The following PRKCB variants were observed in gnomAD, a reference collection of about 807,000 sequenced individuals.
PRKCB encodes protein kinase C beta.
Under a neutral mutation model 81.5 loss-of-function variants are expected in PRKCB, and 13 were observed. The ratio of observed to expected loss-of-function variants is 0.16; its 90% CI spans 0.10 to 0.25. PRKCB has a LOEUF of 0.25. Among genes scored for constraint, PRKCB ranks in the 10% least tolerant of loss-of-function variants. The pLI, the probability that PRKCB is intolerant of heterozygous loss-of-function variation, is 1.00. For missense variants in PRKCB, 509 were observed against 875.7 expected (o/e 0.58, Z 5.29); for synonymous variants, 335 against 321.4 (o/e 1.04, Z -0.45).
rs777132623 is a variant in PRKCB at position 24,110,509 on chromosome 16, C to CTTTTTTT, written c.822-2464_822-2463insTTTTTTT. Among the ~76,000 whole-genome samples the CTTTTTTT allele has an allele frequency of 9.7e-4, 122 of 125,292 alleles. 1 individual carries two copies. The highest frequency in any genetic ancestry group is 1.2e-3 in the African/African-American group (29 of 23,424). The allele number at this position is 125,292 out of a possible 152,430, so 82.2% of individuals were successfully genotyped here. On this transcript the variant is annotated intron_variant, in intron 7 of 16. Coordinates refer to ENST00000643927, the MANE Select transcript of PRKCB (RefSeq NM_002738.7). The stretch of plus-strand genomic sequence containing the variant: ...TACAGGCATAAGCCACCATGCCCAA[C>CTTTTTTT]CTTTTTTTTTTTTTTTTTTTTTTGA...
chr16:24,042,997 A>C (rs1484292238), intron 5 of PRKCB, among the ~76,000 whole-genome samples: 1 of 152,132 alleles, frequency 6.6e-6, no homozygotes, highest in African/African-American at 2.4e-5. Context: ...TTGGCCTCCC[A>C]AAGCGCTGGG....
chr16:24,032,184 A>C lies in PRKCB; in HGVS notation c.337A>C (p.Thr113Pro). The change falls in exon 4 of 17, where the codon ACG (threonine) becomes CCG (proline). Residue 113 changes from threonine (T) to proline (P), a missense_variant. By Grantham distance (38) the Thr-to-Pro change is conservative. This residue lies in a region of PRKCB where 184 missense variants were observed against 362.9 expected (regional missense o/e 0.51). Transcript: ENST00000643927. Reference sequence around the variant, plus strand: ...TAAGATCCACACGTACTCCAGCCCCACGTTTTGTGACCACTGTGGGTCACT... The same window carrying C: ...TAAGATCCACACGTACTCCAGCCCCCCGTTTTGTGACCACTGTGGGTCACT... The part of the protein sequence containing the change: ...KFKIHTYSSP[T>P]FCDHCGSLLY... The C allele has an allele frequency of 6.2e-7, 1 of 1,613,808 alleles. No homozygotes were observed. The highest frequency in any genetic ancestry group is 8.5e-7 in the Non-Finnish European group (1 of 1,179,870).
At chr16:24,128,184 G>A (rs985600368) in intron 9 of PRKCB, among the ~76,000 whole-genome samples, 1 of 152,016 alleles carries the variant, frequency 6.6e-6, no homozygotes, top group African/African-American at 2.4e-5. Flanking sequence ...AGGCCAGCCT[G>A]GCCAATATGG....
intron 2 of PRKCB, among the ~76,000 whole-genome samples, chr16:23,908,667 A>G (rs889766169): frequency 6.7e-6 from 1 of 150,046 alleles, no homozygotes; most frequent in African/African-American, 2.5e-5. Flanking sequence ...CTGGGACTAC[A>G]GGTGCCCACC....
chr16:24,156,025 G>A (rs1180559089), intron 10 of PRKCB, among the ~76,000 whole-genome samples: 1 of 152,134 alleles, frequency 6.6e-6, no homozygotes. Flanking sequence ...AGTTGGCAGC[G>A]ACTGATGGTT....
intron 2 of PRKCB, among the ~76,000 whole-genome samples, chr16:23,906,187 C>A (rs1016630985): frequency 6.6e-6 from 1 of 152,170 alleles, no homozygotes; most frequent in African/African-American, 2.4e-5. Context: ...TTCCCCATCT[C>A]CTTACCAACA....
intron 5 of PRKCB, among the ~76,000 whole-genome samples, chr16:24,077,242 C>T (rs1357552299): frequency 6.6e-6 from 1 of 151,866 alleles, no homozygotes; most frequent in Admixed American, 6.6e-5. Flanking sequence ...TGGGATGGGG[C>T]AGATTCAGTA....
chr16:23,988,166 A>T (rs1431903008), intron 2 of PRKCB, among the ~76,000 whole-genome samples: 1 of 152,224 alleles, frequency 6.6e-6, no homozygotes, highest in Non-Finnish European at 1.5e-5. Flanking sequence ...CAACTACTTC[A>T]TCTGGCACCT....
intron 9 of PRKCB, among the ~76,000 whole-genome samples, chr16:24,152,259 C>A (rs1204794016): frequency 1.3e-5 from 2 of 152,086 alleles, no homozygotes; most frequent in Non-Finnish European, 2.9e-5. Flanking sequence ...AAAGGGGAAA[C>A]CCCTTATAAA....
At chr16:24,076,121 C>T (rs765311178) in intron 5 of PRKCB, among the ~76,000 whole-genome samples, 16 of 152,150 alleles carry the variant, frequency 1.1e-4, no homozygotes, top group Non-Finnish European at 1.9e-4. Flanking sequence ...GTGATGCTGA[C>T]GCTGCTAGTC....
At chr16:24,016,208 T>G (rs9935136) in intron 3 of PRKCB, among the ~76,000 whole-genome samples, 1,628 of 152,252 alleles carry the variant, frequency 0.011, 29 homozygotes, top group African/African-American at 0.037. Flanking sequence ...TCACCATTTC[T>G]TCCCAGCTTT....
Position 24,168,541 on chromosome 16 carries a change from CTTTTTTTTTT to C in PRKCB, c.1240-3709_1240-3700del, listed in dbSNP as rs56671761. On this transcript the variant is annotated intron_variant, in intron 10 of 16. Transcript: ENST00000643927. ...TTCATTATTTTTCTTTCTTCTTCTA[CTTTTTTTTTT>C]TTTTTTTTTTTTTTTTTTTGAGACA... Among the ~76,000 whole-genome samples the C allele has an allele frequency of 9.8e-3, 752 of 76,412 alleles. 18 individuals carry two copies. Among genetic ancestry groups the C allele is most frequent in the African/African-American group, 0.026 (688 of 25,980 alleles). The allele number at this position is 76,412 out of a possible 152,430, so 50.1% of individuals were successfully genotyped here.
intron 7 of PRKCB, among the ~76,000 whole-genome samples, chr16:24,095,176 C>T (rs995476996): frequency 6.6e-6 from 1 of 152,078 alleles, no homozygotes; most frequent in African/African-American, 2.4e-5. Context: ...CCAGACAGAG[C>T]CGATTTATCA....
intron 5 of PRKCB, among the ~76,000 whole-genome samples, chr16:24,036,153 A>G (rs1458709486): frequency 6.6e-6 from 1 of 152,032 alleles, no homozygotes; most frequent in South Asian, 2.1e-4. Context: ...ATATTTCATG[A>G]TAATTAGAAA....
intron 5 of PRKCB, among the ~76,000 whole-genome samples, chr16:24,037,861 TAAA>T (rs10718229): frequency 1.5e-5 from 2 of 130,948 alleles, no homozygotes; most frequent in Non-Finnish European, 3.3e-5. Flanking sequence ...ACAAGACGTT[TAAA>T]AAAAAAAAAA....
rs74764723 is a variant in PRKCB at position 24,172,964 on chromosome 16, A to G, written c.1331+603A>G. 3.2e-3 allele frequency among the ~76,000 whole-genome samples: 494 copies of G among 152,324 alleles called. 3 individuals carry two copies. Among genetic ancestry groups the G allele is most frequent in the African/African-American group, 0.011 (475 of 41,574 alleles). ...ATAACTCTGGGAGGGAGATGCTACC[A>G]TCCCTGCTTTACAAACAAGGAAATG... On this transcript the variant is annotated intron_variant, in intron 11 of 16. Transcript: ENST00000643927.
At position 24,180,938 on chromosome 16, in the gene PRKCB, G is replaced by A; in HGVS notation, c.1533+10G>A. 1 of 1,613,422 alleles carries A rather than the reference G, an allele frequency of 6.2e-7. No individual in the cohort carries two copies. Among genetic ancestry groups the A allele is most frequent in the South Asian group, 1.1e-5 (1 of 90,964 alleles). On this transcript the variant is annotated intron_variant, in intron 13 of 16. Transcript: ENST00000643927. Reference sequence around the variant, plus strand: ...CTACATCGCCCCCGAGGTGAGAGCTGCTGGGCACACGTTCACATTGCGGTG... The same window carrying A: ...CTACATCGCCCCCGAGGTGAGAGCTACTGGGCACACGTTCACATTGCGGTG...
At chr16:24,039,850 G>A (rs1227948313) in intron 5 of PRKCB, among the ~76,000 whole-genome samples, 1 of 152,106 alleles carries the variant, frequency 6.6e-6, no homozygotes, top group Non-Finnish European at 1.5e-5. Flanking sequence ...TTCATTGCTG[G>A]GACTCCAGCC....
chr16:24,124,860 C>T (rs190621768), intron 9 of PRKCB, among the ~76,000 whole-genome samples: 19 of 152,084 alleles, frequency 1.2e-4, no homozygotes, highest in East Asian at 5.8e-4. Context: ...TCCTGGCCAC[C>T]GCCCCCCACA....
Sources: gnomAD v4.1 joint callset for allele counts (sites outside exome capture counted in the v4.1 genomes callset) on GRCh38, gnomAD v4.1.1 for gene constraint, gnomAD v4.1.1 regional missense constraint, MANE v1.5 for transcripts, NCBI Gene and HGNC (gene_info 2026-07-23, HGNC 2026-07-21) for gene names.